AKAP8: variants seen among roughly 807,000 people sequenced by gnomAD.
AKAP8 encodes the protein A-kinase anchoring protein 8.
Under a neutral mutation model 67.5 loss-of-function variants are expected in AKAP8, and 24 were observed. The observed-to-expected ratio is 0.36, with a 90% CI of 0.26 to 0.50. AKAP8 has a LOEUF of 0.50. AKAP8 is among the 20% of genes least tolerant of loss of function. The pLI is 0.97. For synonymous variants in AKAP8, 400 were observed against 371.1 expected (o/e 1.08, Z -0.90); for missense variants, 971 against 955.9 (o/e 1.02, Z -0.21).
At chr19:15,374,185 C>A in intron 3 of AKAP8, 120 bp from the exon 4 acceptor site, 1 of 1,189,836 alleles carries the variant, frequency 8.4e-7, no homozygotes, top group Non-Finnish European at 1.2e-6. Context: ...GGACCCAGTG[C>A]TGCTGGCATC....
At position 15,355,080 on chromosome 19, in the gene AKAP8, G is replaced by A. The variant is rs538149553; in HGVS notation, c.1914C>T (p.Gly638=). Residue 638 remains glycine, a synonymous_variant, in exon 14 of 14, where the codon GGC becomes GGT. Coordinates refer to ENST00000269701, the MANE Select transcript of AKAP8 (RefSeq NM_005858.4). The part of the protein sequence containing the change: ...QVPCGTAHEK[G]VPKARSEAAE... Reference sequence around the variant, plus strand: ...CAGCCTCACTTCTGGCCTTGGGGACGCCCTTCTCATGTGCCGTTCCACAGG... The same window carrying A: ...CAGCCTCACTTCTGGCCTTGGGGACACCCTTCTCATGTGCCGTTCCACAGG... 1.2e-5 allele frequency: 19 copies of A among 1,613,878 alleles called. No homozygotes were observed. The highest frequency in any genetic ancestry group is 1.0e-4 in the Admixed American group (6 of 60,002).
chr19:15,370,213 G>A (rs752098721), intron 7 of AKAP8, 34 bp from the exon 8 acceptor site: 13 of 1,613,576 alleles, frequency 8.1e-6, no homozygotes, highest in Non-Finnish European at 8.5e-6. Flanking sequence ...CCGGCAGTGA[G>A]CTGGTGTGTC....
chr19:15,364,736 G>A (rs1191890597), intron 9 of AKAP8, among the ~76,000 whole-genome samples: 2 of 150,936 alleles, frequency 1.3e-5, no homozygotes, highest in Admixed American at 6.6e-5. Flanking sequence ...TGATCCACCT[G>A]CCTTAGCCTC....
intron 9 of AKAP8, among the ~76,000 whole-genome samples, chr19:15,364,393 C>G (rs1363999351): frequency 1.3e-5 from 2 of 150,738 alleles, no homozygotes; most frequent in Non-Finnish European, 3.0e-5. Flanking sequence ...CTCTGTTGCC[C>G]AGGCTGGAGT....
chr19:15,365,748 C>T (rs8105207), intron 9 of AKAP8, among the ~76,000 whole-genome samples: 119,844 of 152,056 alleles, frequency 0.79, 47,438 homozygotes, highest in East Asian at 0.99. Flanking sequence ...CATGGCCAGG[C>T]GCGGTGGTTC....
intron 1 of AKAP8, among the ~76,000 whole-genome samples, chr19:15,377,848 C>A (rs1008228596): frequency 3.3e-5 from 5 of 152,176 alleles, no homozygotes; most frequent in Non-Finnish European, 7.3e-5. Context: ...AGGCATCAGA[C>A]AGCACTCTTC....
intron 9 of AKAP8, among the ~76,000 whole-genome samples, chr19:15,362,953 G>A (rs1371799178): frequency 2.6e-5 from 4 of 151,592 alleles, no homozygotes; most frequent in Admixed American, 6.6e-5. Context: ...GGGAAGTGAG[G>A]AGCGTCTCTG....
chr19:15,379,673 G>A, intron 1 of AKAP8, 40 bp downstream of exon 1: 1 of 1,599,614 alleles, frequency 6.3e-7, no homozygotes, highest in African/African-American at 1.4e-5. Flanking sequence ...CCCGCACAGA[G>A]CCTTCCCTCC....
At position 15,362,098 on chromosome 19, in the gene AKAP8, G is replaced by A; in HGVS notation, c.1302+12C>T. ...GCAAGAGACGCGGTGACGGGGCCCA[G>A]GTTTCCTTTACCTGGAGGAACTCCA... On this transcript the variant is annotated intron_variant, in intron 10 of 13. Coordinates refer to ENST00000269701, the MANE Select transcript of AKAP8 (RefSeq NM_005858.4). 6.2e-7 allele frequency: 1 copy of A among 1,613,314 alleles called. No individual in the cohort carries two copies. The highest frequency in any genetic ancestry group is 8.5e-7 in the Non-Finnish European group (1 of 1,179,652).
In AKAP8 at chr19:15,362,192, T is replaced by C. The variant is rs61755985; in HGVS notation, c.1220A>G (p.Lys407Arg). 1,039 of 1,614,158 alleles carry C rather than the reference T, an allele frequency of 6.4e-4. 7 individuals carry two copies. The African/African-American group carries it at 0.013, about 20-fold the overall frequency. Residue 407 changes from lysine (K) to arginine (R), a missense_variant, in exon 10 of 14, where the codon AAG (lysine) becomes AGG (arginine). Lys to Arg is a conservative substitution (Grantham distance 26). Coordinates refer to ENST00000269701, the MANE Select transcript of AKAP8 (RefSeq NM_005858.4). ...FRSFDDEEIQ[K>R]HLQSKFHKET... ...TTTGTGAAATTTGCTTTGCAGATGC[T>C]TCTGGATCTCTTCGTCATCAAAGCT...
chr19:15,356,077 C>T (rs2048276355), intron 13 of AKAP8, among the ~76,000 whole-genome samples: 1 of 152,008 alleles, frequency 6.6e-6, no homozygotes, highest in African/African-American at 2.4e-5. Context: ...GAAAAGTTCA[C>T]AAGCCCAGCC....
rs1307997526 is a variant in AKAP8 at position 15,369,680 on chromosome 19, A to C, written c.1072+466T>G. ...CTGCTGTCACACACTCGCAGGCACG[A>C]AGCAATGTGCAGTGCAGCTGCCAGT... On this transcript the variant is annotated intron_variant, in intron 8 of 13. Transcript: ENST00000269701. The surrounding 1 kb of genome is among the most constrained non-coding windows in gnomAD (Gnocchi z 4.6). Among the ~76,000 whole-genome samples, 2 of 152,206 alleles carry C rather than the reference A, an allele frequency of 1.3e-5. No individual in the cohort carries two copies. The highest frequency in any genetic ancestry group is 2.9e-5 in the Non-Finnish European group (2 of 68,038).
In AKAP8 at chr19:15,354,975, G is replaced by A. The variant is rs149974098; in HGVS notation, c.2019C>T (p.Ala673=). The A allele has an allele frequency of 1.0e-4, 166 of 1,614,008 alleles. No individual in the cohort carries two copies. The highest frequency in any genetic ancestry group is 1.3e-4 in the Non-Finnish European group (158 of 1,180,044). ...CAGTTTGTTCCACTTCAGCATCCGC[G>A]GCAGCTGGGGCAGGAGCAACTCTGG... ...AQTRVAPAPA[A]ADAEVEQTDA... The change falls in exon 14 of 14, where the codon GCC becomes GCT. Residue 673 remains alanine, a synonymous_variant. Coordinates refer to ENST00000269701, the MANE Select transcript of AKAP8 (RefSeq NM_005858.4).
At chr19:15,377,793 C>T (rs189644398) in intron 1 of AKAP8, among the ~76,000 whole-genome samples, 32 of 152,300 alleles carry the variant, frequency 2.1e-4, no homozygotes, top group Middle Eastern at 3.4e-3. Flanking sequence ...AAGGCCTCCA[C>T]GGATCCCCTG....
intron 9 of AKAP8, among the ~76,000 whole-genome samples, chr19:15,363,352 G>A (rs1329423747): frequency 1.2e-4 from 6 of 49,138 alleles, no homozygotes; most frequent in Admixed American, 2.3e-4. Flanking sequence ...CGGGAGGGAG[G>A]TGGGGGGGGG....
rs1313419546 is a variant in AKAP8, at chr19:15,353,560, T to C, written c.*1355A>G. ...AGTTTATTTCCATTTTCAGTTCTAA[T>C]GTTGACTTTTTCATAAATATTCACC... On this transcript the variant is annotated 3_prime_UTR_variant, in exon 14 of 14. Transcript: ENST00000269701. 6.6e-6 allele frequency: 1 copy of C among 152,078 alleles called. No homozygotes were observed. The highest frequency in any genetic ancestry group is 2.4e-5 in the African/African-American group (1 of 41,424). The allele number at this position is 152,078 out of a possible 1,614,324, so 9.4% of individuals were successfully genotyped here. A position where few individuals can be genotyped will look rare whatever the true frequency, so the allele number is the denominator to read the frequency against.
chr19:15,374,445 C>T (rs1389579563), intron 3 of AKAP8, among the ~76,000 whole-genome samples, 158 bp downstream of exon 3: 1 of 152,192 alleles, frequency 6.6e-6, no homozygotes, highest in Non-Finnish European at 1.5e-5. Context: ...CAGCCCTCTG[C>T]AGTCCCCCCA....
In AKAP8 at chr19:15,355,194, G is replaced by A. The variant is rs762037871; in HGVS notation, c.1800C>T (p.Ser600=). The change falls in exon 14 of 14, where the codon AGC becomes AGT. Residue 600 remains serine (S), a synonymous_variant. Transcript: ENST00000269701. The stretch of plus-strand genomic sequence containing the variant: ...GGCCTTCGTCCTCAGCCGGCTCCCC[G>A]CTGCTCTCTGGAGCGGGCGCTCCTT... The part of the protein sequence containing the change: ...DGEGAPAPES[S]GEPAEDEGPT... 15 of 1,611,460 alleles carry A rather than the reference G, an allele frequency of 9.3e-6. No homozygotes were observed. The highest frequency in any genetic ancestry group is 2.7e-5 in the African/African-American group (2 of 74,906).
chr19:15,376,112 A>T (rs1251501941), intron 2 of AKAP8, among the ~76,000 whole-genome samples: 1 of 151,972 alleles, frequency 6.6e-6, no homozygotes, highest in Non-Finnish European at 1.5e-5. Context: ...CATTAGTTGG[A>T]TAAAAGGATC....
Sources: allele counts gnomAD v4.1 joint callset (sites outside exome capture counted in the v4.1 genomes callset), GRCh38; gene constraint gnomAD v4.1.1; non-coding constraint Gnocchi (gnomAD v3.1); transcripts MANE v1.5; gene names NCBI Gene and HGNC (gene_info 2026-07-23, HGNC 2026-07-21).